Variants in MAP3K9 observed in about 807,000 individuals in gnomAD.
MAP3K9 encodes mitogen-activated protein kinase kinase kinase 9.
A neutral mutation model predicts 95.8 loss-of-function variants in MAP3K9; 46 were observed. The observed-to-expected ratio is 0.48, with a 90% CI of 0.38 to 0.61. MAP3K9 has a LOEUF of 0.61. Among genes scored for constraint, MAP3K9 ranks in the 20% least tolerant of loss-of-function variants. MAP3K9 has a pLI of 0.00. For synonymous variants in MAP3K9, 533 were observed against 593.8 expected, an observed-to-expected ratio of 0.90 and a Z score of 1.49; for missense variants, 1,296 against 1,474.3, an observed-to-expected ratio of 0.88 and a Z score of 1.98.
At chr14:70,760,412 G>T (rs1199631967) in intron 3 of MAP3K9, among the ~76,000 whole-genome samples, 2 of 152,130 alleles carry the variant, frequency 1.3e-5, no homozygotes, top group African/African-American at 4.8e-5. Flanking sequence ...CTGCGGCTTT[G>T]CAGTTCTGGG....
At chr14:70,783,319 T>C in intron 2 of MAP3K9, 2 of 984,856 alleles carry the variant, frequency 2.0e-6, no homozygotes, top group Non-Finnish European at 2.4e-6. Context: ...GACTCTTATT[T>C]TTCTTGAGCA....
At chr14:70,775,606 C>A (rs2054587566) in intron 2 of MAP3K9, among the ~76,000 whole-genome samples, 1 of 152,210 alleles carries the variant, frequency 6.6e-6, no homozygotes, top group Admixed American at 6.5e-5. Context: ...CACTACTGAA[C>A]ACAGAGCCCA....
chr14:70,794,898 C>T (rs1350303969), intron 2 of MAP3K9, among the ~76,000 whole-genome samples: 2 of 151,114 alleles, frequency 1.3e-5, no homozygotes, highest in Admixed American at 1.3e-4. Flanking sequence ...AGGATGGTCT[C>T]GATCTCCTGA....
At chr14:70,754,233 C>T (rs796985220) in intron 3 of MAP3K9, among the ~76,000 whole-genome samples, 5 of 152,168 alleles carry the variant, frequency 3.3e-5, no homozygotes, top group African/African-American at 1.2e-4. Flanking sequence ...CATTGATAAA[C>T]TTATTGACAT....
chr14:70,730,586 C>T lies in MAP3K9; in HGVS notation c.3109G>A (p.Ala1037Thr). Residue 1037 changes from alanine (A) to threonine (T), a missense_variant, in exon 12 of 12, where the codon GCT becomes ACT. Physicochemically the swap from Ala to Thr is moderately conservative, Grantham distance 58 (BLOSUM62 0). Coordinates refer to ENST00000554752, the MANE Select transcript of MAP3K9 (RefSeq NM_001284230.2). Reference protein sequence around the residue: ...ETPSNLDSCFASSSSTVEERP... With the variant: ...ETPSNLDSCFTSSSSTVEERP... ...TCCTCTACAGTGCTGCTACTGCTAG[C>T]AAAGCAGGAGTCCAGGTTGCTGGGC... is the stretch of plus-strand genomic sequence containing the variant. 6.2e-7 allele frequency: 1 copy of T among 1,614,064 alleles called. No homozygotes were observed. The highest frequency in any genetic ancestry group is 8.5e-7 in the Non-Finnish European group (1 of 1,180,046).
intron 2 of MAP3K9, 127 bp downstream of exon 2, chr14:70,800,540 A>C: frequency 1.1e-6 from 1 of 937,592 alleles, no homozygotes; most frequent in Non-Finnish European, 1.6e-6. Flanking sequence ...CCATTCAAGG[A>C]TGGAATGTGT....
At chr14:70,756,232 C>T (rs1290840881) in intron 3 of MAP3K9, among the ~76,000 whole-genome samples, 1 of 152,094 alleles carries the variant, frequency 6.6e-6, no homozygotes, top group East Asian at 1.9e-4. Flanking sequence ...TGGGAAGGTA[C>T]GAAGGTACTT....
chr14:70,724,706 C>T lies in MAP3K9; in HGVS notation c.*5674G>A, dbSNP rs3742848. On this transcript the variant is annotated 3_prime_UTR_variant, in exon 12 of 12. Coordinates refer to ENST00000554752, the MANE Select transcript of MAP3K9 (RefSeq NM_001284230.2). Reference sequence around the variant, plus strand: ...TGAAGGATCTCAGGAACAGGCAGCACACTATTTCTGAAACCTGGCCTTGGA... The same window carrying T: ...TGAAGGATCTCAGGAACAGGCAGCATACTATTTCTGAAACCTGGCCTTGGA... 77,394 of 152,092 alleles carry T rather than the reference C, an allele frequency of 0.51. 20,857 individuals are homozygous for T. Among genetic ancestry groups the T allele is most frequent in the South Asian group, 0.62 (3,004 of 4,824 alleles). 9.4% of individuals were successfully genotyped at this position (152,092 alleles called of 1,614,324 possible).
rs1363212918 is a variant in MAP3K9, at chr14:70,732,922, A to G, written c.2447T>C (p.Phe816Ser). 1.9e-6 allele frequency: 3 copies of G among 1,613,728 alleles called. No individual in the cohort carries two copies. Among genetic ancestry groups the G allele is most frequent in the Non-Finnish European group, 2.5e-6 (3 of 1,179,874 alleles). Residue 816 changes from phenylalanine to serine, a missense_variant, in exon 11 of 12, where the codon TTC becomes TCC. Coordinates refer to ENST00000554752, the MANE Select transcript of MAP3K9 (RefSeq NM_001284230.2). ...CAACAGCATGGGCTCCTCCTTCTTG[A>G]AAAGCTTTCGGGATGGGGGGCTGGT... is the stretch of plus-strand genomic sequence containing the variant. ...RSTSPPSRKLFKKEEPMLLLG... is the reference protein window; with the variant it reads ...RSTSPPSRKLSKKEEPMLLLG...
chr14:70,801,174 T>G, intron 1 of MAP3K9, 94 bp from the exon 2 acceptor site: 1 of 1,242,020 alleles, frequency 8.1e-7, no homozygotes, highest in Non-Finnish European at 1.1e-6. Context: ...ACACGGCAAG[T>G]TGTCTGTTTA....
At chr14:70,778,584 C>T (rs2054631894) in intron 2 of MAP3K9, among the ~76,000 whole-genome samples, 1 of 152,162 alleles carries the variant, frequency 6.6e-6, no homozygotes, top group Non-Finnish European at 1.5e-5. Flanking sequence ...CCAAACTTCT[C>T]TCATTCTGGC....
At chr14:70,730,970 A>G in intron 11 of MAP3K9, 106 bp from the exon 12 acceptor site, 2 of 1,239,174 alleles carry the variant, frequency 1.6e-6, no homozygotes, top group Middle Eastern at 1.9e-4. Flanking sequence ...CAATCAGGAG[A>G]ACATGAATCA....
At chr14:70,737,560 C>T (rs1447474263) in intron 8 of MAP3K9, among the ~76,000 whole-genome samples, 1 of 152,162 alleles carries the variant, frequency 6.6e-6, no homozygotes, top group East Asian at 1.9e-4. Context: ...GTGCCCTGCC[C>T]AGAGGAGCCA....
chr14:70,792,640 G>A (rs2054819197), intron 2 of MAP3K9, among the ~76,000 whole-genome samples: 3 of 152,188 alleles, frequency 2.0e-5, no homozygotes, highest in African/African-American at 4.8e-5. Context: ...CAGGGTGCCT[G>A]AGCCTTAGCT....
chr14:70,751,519 G>A (rs1213324524), intron 3 of MAP3K9, among the ~76,000 whole-genome samples: 11 of 152,182 alleles, frequency 7.2e-5, no homozygotes, highest in Non-Finnish European at 1.0e-4. Context: ...AGGAGTTCAA[G>A]ACCAGCCTGG....
At position 70,723,860 on chromosome 14, in the gene MAP3K9, C is replaced by T. The variant is rs1423750946; in HGVS notation, c.*6520G>A. The stretch of plus-strand genomic sequence containing the variant: ...GGCCAGGATACATCTTTGCCTCACT[C>T]TGATGGTGATGAAGAAAAGAGCCAC... On this transcript the variant is annotated 3_prime_UTR_variant, in exon 12 of 12. Coordinates refer to ENST00000554752, the MANE Select transcript of MAP3K9 (RefSeq NM_001284230.2). 1 of 152,178 alleles carries T rather than the reference C, an allele frequency of 6.6e-6. No individual in the cohort carries two copies. The highest frequency in any genetic ancestry group is 1.5e-5 in the Non-Finnish European group (1 of 68,046). 9.4% of individuals were successfully genotyped at this position (152,178 alleles called of 1,614,324 possible). A position where few individuals can be genotyped will look rare whatever the true frequency, so the allele number is the denominator to read the frequency against.
chr14:70,763,915 G>A (rs2139787511), intron 2 of MAP3K9, among the ~76,000 whole-genome samples: 1 of 152,028 alleles, frequency 6.6e-6, no homozygotes, highest in Non-Finnish European at 1.5e-5. Context: ...GCCGGGCGCG[G>A]TGGCTCACGC....
chr14:70,769,215 T>G (rs1429999526), intron 2 of MAP3K9, among the ~76,000 whole-genome samples: 1 of 152,138 alleles, frequency 6.6e-6, no homozygotes, highest in Admixed American at 6.5e-5. Context: ...ACAGTGAAAC[T>G]CCATTTCTAA....
At chr14:70,745,311 T>C (rs967267353) in intron 5 of MAP3K9, among the ~76,000 whole-genome samples, 4 of 152,194 alleles carry the variant, frequency 2.6e-5, no homozygotes, top group Non-Finnish European at 4.4e-5. Flanking sequence ...TGAACCCATA[T>C]TGGGGAAGCT....
Sources: allele counts gnomAD v4.1 joint callset (sites outside exome capture counted in the v4.1 genomes callset), GRCh38; gene constraint gnomAD v4.1.1; transcripts MANE v1.5; gene names NCBI Gene and HGNC (gene_info 2026-07-23, HGNC 2026-07-21).